DNAH14: variants seen among roughly 807,000 people sequenced by gnomAD.
DNAH14 encodes the protein dynein axonemal heavy chain 14.
DNAH14 carries 478 observed loss-of-function variants against 520.9 expected under a neutral mutation model. The ratio of observed to expected loss-of-function variants is 0.92; its 90% CI spans 0.85 to 0.99. The LOEUF (loss-of-function observed/expected upper bound fraction) is 0.99, where lower values mean the gene tolerates loss of function less well. DNAH14 is among the 50% of genes least tolerant of loss of function. The pLI is 0.00. For synonymous variants in DNAH14, 1,581 were observed against 1,757.2 expected, an observed-to-expected ratio of 0.90 and a Z score of 2.51; for missense variants, 4,831 against 5,234.5, an observed-to-expected ratio of 0.92 and a Z score of 2.38.
chr1:225,360,196 C>A (rs1404120456), intron 74 of DNAH14, among the ~76,000 whole-genome samples: 1 of 152,194 alleles, frequency 6.6e-6, no homozygotes, highest in Non-Finnish European at 1.5e-5. Context: ...TCTATGATTG[C>A]ATAGTGTTCA....
chr1:225,299,387 C>A (rs1308519525), intron 55 of DNAH14, among the ~76,000 whole-genome samples: 2 of 152,010 alleles, frequency 1.3e-5, no homozygotes, highest in Non-Finnish European at 2.9e-5. Context: ...TAATGCTGGG[C>A]CTTTCTCCAT....
intron 42 of DNAH14, among the ~76,000 whole-genome samples, chr1:225,236,922 A>G (rs2091626788): frequency 6.6e-6 from 1 of 152,172 alleles, no homozygotes; most frequent in Admixed American, 6.5e-5. Context: ...ATATGTAATC[A>G]TATACATAAT....
chr1:225,222,262 G>T (rs2090112238), intron 41 of DNAH14, among the ~76,000 whole-genome samples: 2 of 152,176 alleles, frequency 1.3e-5, no homozygotes, highest in Non-Finnish European at 2.9e-5. Flanking sequence ...TGAGGGAATT[G>T]TTCAGGCTTT....
chr1:225,189,044 C>G (rs2085085400), intron 37 of DNAH14, among the ~76,000 whole-genome samples: 1 of 151,708 alleles, frequency 6.6e-6, no homozygotes, highest in South Asian at 2.1e-4. Context: ...GTTTTCTGAG[C>G]GTTTTTTACC....
chr1:225,354,536 T>C (rs1254497327), intron 73 of DNAH14, among the ~76,000 whole-genome samples: 1 of 152,156 alleles, frequency 6.6e-6, no homozygotes, highest in Non-Finnish European at 1.5e-5. Flanking sequence ...TTAATACTTA[T>C]AATAGTCTTG....
chr1:225,024,150 C>A, intron 11 of DNAH14: 1 of 1,001,066 alleles, frequency 1.0e-6, no homozygotes, highest in South Asian at 4.7e-5. Context: ...ATCTGAAATT[C>A]AGATTTCTCT....
In DNAH14 at chr1:225,051,555, G is replaced by T; in HGVS notation, c.2184G>T (p.Met728Ile). The T allele has an allele frequency of 6.4e-7, 1 of 1,551,010 alleles. No individual in the cohort carries two copies. Among genetic ancestry groups the T allele is most frequent in the South Asian group, 1.2e-5 (1 of 84,004 alleles). ...CCATGACAGAAAAGGCCAAAATCAT[G>T]AGTATGAAAATATCATCTATGGGAG... is the stretch of plus-strand genomic sequence containing the variant. ...YCTMTEKAKI[M>I]SMKISSMGEL... Residue 728 changes from methionine (M) to isoleucine (I), a missense_variant, in exon 17 of 86, where the codon ATG becomes ATT. Met to Ile is a conservative substitution (Grantham distance 10). Transcript: ENST00000682510.
intron 8 of DNAH14, among the ~76,000 whole-genome samples, chr1:225,001,045 G>T (rs530208621): frequency 6.6e-6 from 1 of 151,270 alleles, no homozygotes; most frequent in Non-Finnish European, 1.5e-5. Context: ...AATAGTTATC[G>T]AATAAAAGTT....
chr1:225,002,129 G>A (rs1408017578), intron 8 of DNAH14, among the ~76,000 whole-genome samples: 5 of 152,088 alleles, frequency 3.3e-5, no homozygotes, highest in African/African-American at 1.2e-4. Context: ...CAGGGCAGAA[G>A]TCCCCCTCTT....
chr1:225,363,435 A>C (rs1243732111), intron 75 of DNAH14, among the ~76,000 whole-genome samples: 1 of 152,134 alleles, frequency 6.6e-6, no homozygotes, highest in African/African-American at 2.4e-5. Context: ...AGGTCTCGCT[A>C]TGTTGCCCTA....
chr1:225,227,056 T>A (rs771472877), intron 41 of DNAH14, among the ~76,000 whole-genome samples: 9 of 151,864 alleles, frequency 5.9e-5, no homozygotes, highest in Non-Finnish European at 1.2e-4. Context: ...TACAATTGGG[T>A]TTTACACCGA....
chr1:224,972,443 A>G (rs1453560443), intron 7 of DNAH14, among the ~76,000 whole-genome samples: 1 of 150,130 alleles, frequency 6.7e-6, no homozygotes, highest in Non-Finnish European at 1.5e-5. Flanking sequence ...AGCTGGGACT[A>G]CAGATGCCTA....
Position 225,272,109 on chromosome 1 carries a change from A to C in DNAH14, c.7839+36A>C, listed in dbSNP as rs1392039504. 4 of 1,516,922 alleles carry C rather than the reference A, an allele frequency of 2.6e-6. 1 individual carries two copies. In the South Asian group the frequency reaches 4.9e-5, roughly 19 times the overall value. 94.0% of individuals were successfully genotyped at this position (1,516,922 alleles called of 1,614,324 possible). The stretch of plus-strand genomic sequence containing the variant: ...ATGTTCATTCTCTAGTTTATTTTTT[A>C]AATATAAGTTGCTCTCTCTCATACT... On this transcript the variant is annotated intron_variant, in intron 51 of 85. Transcript: ENST00000682510.
At chr1:225,056,016 A>C (rs149404123) in intron 17 of DNAH14, among the ~76,000 whole-genome samples, 8,440 of 151,708 alleles carry the variant, frequency 0.056, 538 homozygotes, top group East Asian at 0.24. Flanking sequence ...GTGTCTTTAT[A>C]GCAGCATGAT....
intron 43 of DNAH14, among the ~76,000 whole-genome samples, chr1:225,249,884 G>A (rs1378484081): frequency 5.5e-4 from 83 of 152,154 alleles, no homozygotes. Context: ...TAATGTTTTT[G>A]AGGCTCATCC....
rs190148631 is a variant in DNAH14 at position 225,398,813 on chromosome 1, T to C, written c.13638+147T>C. 2.7e-4 allele frequency: 331 copies of C among 1,213,586 alleles called. 1 individual carries two copies. In the African/African-American group the frequency reaches 4.6e-3, roughly 17 times the overall value. The allele number at this position is 1,213,586 out of a possible 1,614,324, so 75.2% of individuals were successfully genotyped here. ...AACAAAGATTTTAAATCTCCCAAAA[T>C]ATTACTAAAATCTAAAGTAGATGCT... On this transcript the variant is annotated intron_variant, in intron 85 of 85. Transcript: ENST00000682510.
At position 225,117,800 on chromosome 1, in the gene DNAH14, T is replaced by C. The variant is rs1371079719; in HGVS notation, c.3972+12T>C. On this transcript the variant is annotated intron_variant, in intron 24 of 85. Coordinates refer to ENST00000682510, the MANE Select transcript of DNAH14 (RefSeq NM_001367479.1). The stretch of plus-strand genomic sequence containing the variant: ...CTGAGTCTGTACAGGTAATAACATC[T>C]TTCTCTGCTCAGCAATATTATATTA... The C allele has an allele frequency of 6.5e-7, 1 of 1,537,506 alleles. No individual in the cohort carries two copies. Among genetic ancestry groups the C allele is most frequent in the Non-Finnish European group, 8.8e-7 (1 of 1,135,054 alleles).
At chr1:225,073,869 G>A (rs2071867370) in intron 17 of DNAH14, among the ~76,000 whole-genome samples, 1 of 151,394 alleles carries the variant, frequency 6.6e-6, no homozygotes, top group Admixed American at 6.6e-5. Flanking sequence ...TTTTAGTAGA[G>A]ACGGGCTTTC....
intron 27 of DNAH14, among the ~76,000 whole-genome samples, chr1:225,130,160 C>T (rs547754835): frequency 6.6e-6 from 1 of 152,142 alleles, no homozygotes; most frequent in African/African-American, 2.4e-5. Flanking sequence ...ATTAAAAAGT[C>T]AGGAAACAAC....
Sources: gnomAD v4.1 joint callset for allele counts (sites outside exome capture counted in the v4.1 genomes callset) on GRCh38, gnomAD v4.1.1 for gene constraint, MANE v1.5 for transcripts, NCBI Gene and HGNC (gene_info 2026-07-23, HGNC 2026-07-21) for gene names.